C22orf31: variants seen among roughly 807,000 people sequenced by gnomAD.
C22orf31 encodes the protein uncharacterized protein C22orf31.
C22orf31 carries 11 observed loss-of-function variants against 15.0 expected under a neutral mutation model. That is an observed-to-expected ratio of 0.73 (90% confidence interval 0.46 to 1.21). The LOEUF (loss-of-function observed/expected upper bound fraction) is 1.21. Ranked by LOEUF, C22orf31 falls within the 50% of genes most tolerant of loss-of-function variation. The pLI, the probability that C22orf31 is intolerant of heterozygous loss-of-function variation, is 0.00. For synonymous variants in C22orf31, 132 were observed against 133.3 expected (o/e 0.99, Z 0.07); for missense variants, 340 against 347.2 (o/e 0.98, Z 0.17).
the C22orf31 span, among the ~76,000 whole-genome samples, chr22:29,070,040 G>A: frequency 6.7e-6 from 1 of 149,468 alleles, no homozygotes; most frequent in Non-Finnish European, 1.5e-5. Context: ...CCACCTCCCA[G>A]GTTCAAGCAA....
chr22:29,066,424 T>C (rs1339744753), upstream of C22orf31, among the ~76,000 whole-genome samples: 1 of 152,056 alleles, frequency 6.6e-6, no homozygotes, highest in Non-Finnish European at 1.5e-5. Context: ...GCACCAATCA[T>C]GGGCCAAGTA....
chr22:29,073,188 G>T, the C22orf31 span: 2 of 1,189,328 alleles, frequency 1.7e-6, no homozygotes, highest in Non-Finnish European at 2.1e-6. The surrounding 1 kb of genome is among the most constrained non-coding windows in gnomAD (Gnocchi z 4.4). Context: ...CACGCTGGCG[G>T]CCCGGCCCGC....
At chr22:29,072,879 G>A in the C22orf31 span, among the ~76,000 whole-genome samples, 1 of 152,052 alleles carries the variant, frequency 6.6e-6, no homozygotes, top group Non-Finnish European at 1.5e-5. Context: ...GTGAGTGGCA[G>A]GAGCAGCGCG....
chr22:29,071,401 G>A, the C22orf31 span, among the ~76,000 whole-genome samples: 1 of 151,530 alleles, frequency 6.6e-6, no homozygotes, highest in African/African-American at 2.4e-5. Context: ...CGTGGGTGGG[G>A]AAAGGAGTTT....
chr22:29,060,965 T>C, intron 1 of C22orf31, 122 bp from the exon 2 acceptor site: 1 of 815,130 alleles, frequency 1.2e-6, no homozygotes, highest in Non-Finnish European at 1.9e-6. Flanking sequence ...CACCCAGTTC[T>C]TAGAAATTTA....
At chr22:29,068,398 C>G in the C22orf31 span, among the ~76,000 whole-genome samples, 1 of 146,470 alleles carries the variant, frequency 6.8e-6, no homozygotes, top group African/African-American at 2.6e-5. Flanking sequence ...GCTCAAGACC[C>G]TGTCTTTAAA....
chr22:29,063,082 T>C (rs1035634961), upstream of C22orf31, among the ~76,000 whole-genome samples: 1 of 152,096 alleles, frequency 6.6e-6, no homozygotes, highest in African/African-American at 2.4e-5. Flanking sequence ...TGTTTCTCTT[T>C]TCTCCTTCTC....
the C22orf31 span, chr22:29,073,291 C>A: frequency 5.5e-6 from 4 of 722,920 alleles, no homozygotes; most frequent in Non-Finnish European, 7.3e-6. The surrounding 1 kb of genome is among the most constrained non-coding windows in gnomAD (Gnocchi z 4.4). Flanking sequence ...CGACAAGGGC[C>A]GGCCGGCCTG....
the C22orf31 span, among the ~76,000 whole-genome samples, chr22:29,067,675 C>A: frequency 6.6e-6 from 1 of 152,246 alleles, no homozygotes; most frequent in African/African-American, 2.4e-5. Context: ...AACTCCTGAC[C>A]TCAGGTGATC....
upstream of C22orf31, among the ~76,000 whole-genome samples, chr22:29,065,547 C>T (rs1001808727): frequency 1.3e-5 from 2 of 152,186 alleles, no homozygotes; most frequent in Non-Finnish European, 2.9e-5. Flanking sequence ...TTTGTCAGAT[C>T]GATTGACCTC....
chr22:29,058,892 C>T lies in C22orf31; in HGVS notation c.723G>A (p.Lys241=). 1 of 1,614,174 alleles carries T rather than the reference C, an allele frequency of 6.2e-7. No individual in the cohort carries two copies. Among genetic ancestry groups the T allele is most frequent in the Non-Finnish European group, 8.5e-7 (1 of 1,180,030 alleles). The change falls in exon 3 of 3, where the codon AAG becomes AAA. Residue 241 remains lysine (K), a synonymous_variant. Transcript: ENST00000216071. ...CCTCCCAGAGCTTTTGTTTAATGGC[C>T]TTGCCCAGCTCCAGGCTGTACCTCT... ...TPKRYSLELG[K]AIKQKLWEAL... is the part of the protein sequence containing the mutation.
chr22:29,059,754 C>T, intron 2 of C22orf31: 8 of 985,152 alleles, frequency 8.1e-6, no homozygotes, highest in Non-Finnish European at 9.6e-6. Context: ...CATAGCTGAC[C>T]ACTGGTTGTG....
chr22:29,069,500 A>T, the C22orf31 span, among the ~76,000 whole-genome samples: 3 of 152,136 alleles, frequency 2.0e-5, no homozygotes. Flanking sequence ...GGACACCAAC[A>T]TCTTTCTGGA....
the C22orf31 span, among the ~76,000 whole-genome samples, chr22:29,069,786 G>C: frequency 7.3e-6 from 1 of 136,076 alleles, no homozygotes; most frequent in Non-Finnish European, 1.6e-5. Context: ...ACTGCAGCCA[G>C]TGCCAGGAGG....
the C22orf31 span, among the ~76,000 whole-genome samples, chr22:29,071,437 A>C: frequency 6.7e-6 from 1 of 149,330 alleles, no homozygotes; most frequent in Non-Finnish European, 1.5e-5. Context: ...CTGGGAGTGG[A>C]TAAGGGGGTG....
chr22:29,073,839 C>T, the C22orf31 span, among the ~76,000 whole-genome samples: 2 of 152,172 alleles, frequency 1.3e-5, no homozygotes, highest in Non-Finnish European at 2.9e-5. This position sits in a 1 kb window ranked among gnomAD's most constrained non-coding sequence, Gnocchi z 4.4. Flanking sequence ...CTCCCCAGTA[C>T]CTCCTGGGAT....
At chr22:29,073,097 C>CGGGCCGCGCCCCG in the C22orf31 span, 1 of 775,466 alleles carries the variant, frequency 1.3e-6, no homozygotes, top group Non-Finnish European at 1.6e-6. The surrounding 1 kb of genome is among the most constrained non-coding windows in gnomAD (Gnocchi z 4.4). Context: ...CCCTTTACCC[C>CGGGCCGCGCCCCG]GGGCCGCGCC....
Position 29,060,792 on chromosome 22 carries a change from G to T in C22orf31, c.55C>A (p.Gln19Lys), listed in dbSNP as rs778463938. 6.2e-7 allele frequency: 1 copy of T among 1,613,792 alleles called. No individual in the cohort carries two copies. The highest frequency in any genetic ancestry group is 8.5e-7 in the Non-Finnish European group (1 of 1,179,652). Residue 19 changes from glutamine to lysine, a missense_variant, in exon 2 of 3, where the codon CAG becomes AAG. Transcript: ENST00000216071. ...DPSIPIYGLR[Q>K]SILLNTRLQD... ...AGCCTGGTATTTAATAAGATGGACT[G>T]TCGGAGTCCATAGATAGGGATGCTG...
chr22:29,061,123 T>C (rs947400565), intron 1 of C22orf31, among the ~76,000 whole-genome samples: 4 of 152,054 alleles, frequency 2.6e-5, no homozygotes, highest in African/African-American at 7.3e-5. Context: ...CACAAGGAAT[T>C]GAAGACAATT....
Sources: gnomAD v4.1 joint callset for allele counts (sites outside exome capture counted in the v4.1 genomes callset) on GRCh38, gnomAD v4.1.1 for gene constraint, Gnocchi (gnomAD v3.1) non-coding constraint, MANE v1.5 for transcripts, NCBI Gene and HGNC (gene_info 2026-07-23, HGNC 2026-07-21) for gene names.